Variants in FNTA observed in about 807,000 individuals in gnomAD.
FNTA encodes protein farnesyltransferase/geranylgeranyltransferase type-1 subunit alpha.
In FNTA, 27 loss-of-function variants were observed where a neutral mutation model predicts 55.2. The ratio of observed to expected loss-of-function variants is 0.49; its 90% CI spans 0.36 to 0.67. The LOEUF is 0.67. Among genes scored for constraint, FNTA ranks in the 30% least tolerant of loss-of-function variants. The pLI, the probability that FNTA is intolerant of heterozygous loss-of-function variation, is 0.00. For missense variants in FNTA, 422 were observed against 464.7 expected, an observed-to-expected ratio of 0.91 and a Z score of 0.85; for synonymous variants, 176 against 170.7, an observed-to-expected ratio of 1.03 and a Z score of -0.24.
chr8:43,085,010 G>A, intron 8 of FNTA, 129 bp downstream of exon 8: 1 of 1,146,648 alleles, frequency 8.7e-7, no homozygotes, highest in Non-Finnish European at 1.3e-6. Flanking sequence ...CTGGTTAGGG[G>A]CAGCATTGAC....
At chr8:43,061,350 G>C (rs988850095) in intron 2 of FNTA, among the ~76,000 whole-genome samples, 1 of 152,206 alleles carries the variant, frequency 6.6e-6, no homozygotes. Flanking sequence ...TTTACTGACT[G>C]TGTAATCTTG....
intron 1 of FNTA, 154 bp downstream of exon 1, chr8:43,056,700 G>T (rs931779381): frequency 9.2e-6 from 3 of 326,974 alleles, no homozygotes; most frequent in Non-Finnish European, 9.9e-6. Flanking sequence ...GGCGGCTGCC[G>T]GGACGTCGCC....
intron 2 of FNTA, among the ~76,000 whole-genome samples, chr8:43,060,092 T>A (rs1810496479): frequency 6.6e-6 from 1 of 152,136 alleles, no homozygotes. Flanking sequence ...ATTCTTAGGA[T>A]GGAGAACGTA....
rs1160262542 is a variant in FNTA at position 43,064,160 on chromosome 8, G to A, written c.346G>A (p.Ala116Thr). The change falls in exon 3 of 9, where the codon GCT becomes ACT. Residue 116 changes from alanine (A) to threonine (T), a missense_variant. Ala to Thr is a moderately conservative substitution (Grantham distance 58). Coordinates refer to ENST00000302279, the MANE Select transcript of FNTA (RefSeq NM_002027.3). ...VLQRDERSER[A>T]FKLTRDAIEL... ...GCAGCGTGATGAAAGAAGTGAACGA[G>A]CTTTTAAGCTAACCCGGGATGCTAT... The A allele has an allele frequency of 1.9e-6, 3 of 1,614,138 alleles. No homozygotes were observed. The highest frequency in any genetic ancestry group is 1.7e-5 in the Admixed American group (1 of 60,020).
chr8:43,063,407 A>G (rs1810582136), intron 2 of FNTA: 16 of 420,902 alleles, frequency 3.8e-5, no homozygotes, highest in South Asian at 2.5e-4. Flanking sequence ...ATATGGGAGT[A>G]TATTTGTGAG....
chr8:43,072,707 G>A (rs913648985), intron 5 of FNTA, among the ~76,000 whole-genome samples: 1 of 152,108 alleles, frequency 6.6e-6, no homozygotes, highest in Non-Finnish European at 1.5e-5. Context: ...ACCCTGGGCA[G>A]CAGAGTGAGA....
chr8:43,056,788 A>C (rs1208604850), intron 1 of FNTA: 4 of 173,472 alleles, frequency 2.3e-5, no homozygotes, highest in Non-Finnish European at 4.8e-5. Flanking sequence ...GCTTTAAGCC[A>C]CGCGGAAACT....
chr8:43,066,096 G>A (rs953620256), intron 3 of FNTA, among the ~76,000 whole-genome samples: 2 of 150,650 alleles, frequency 1.3e-5, no homozygotes, highest in African/African-American at 4.9e-5. Context: ...ATGCCTTTTA[G>A]TTCTATGTTG....
chr8:43,084,582 A>G (rs1326765561), intron 7 of FNTA, 128 bp from the exon 8 acceptor site: 2 of 673,356 alleles, frequency 3.0e-6, no homozygotes, highest in Non-Finnish European at 5.0e-6. Context: ...TTATAGTTTC[A>G]GCGTCATTCA....
intron 6 of FNTA, chr8:43,080,984 C>T (rs1479264392): frequency 2.0e-5 from 3 of 152,112 alleles, no homozygotes; most frequent in Non-Finnish European, 4.4e-5. Flanking sequence ...ATTTATTTTC[C>T]TTTTAAGATG....
chr8:43,065,095 A>G (rs1490768344), intron 3 of FNTA, among the ~76,000 whole-genome samples: 7 of 151,762 alleles, frequency 4.6e-5, no homozygotes, highest in African/African-American at 7.3e-5. Context: ...CAGCCTTCCA[A>G]AGTGCTGGGA....
chr8:43,058,146 TATCTC>T (rs1810453422), intron 1 of FNTA, among the ~76,000 whole-genome samples: 1 of 152,122 alleles, frequency 6.6e-6, no homozygotes, highest in Non-Finnish European at 1.5e-5. Flanking sequence ...TTTAAGTGCT[TATCTC>T]ATTTAATCCT....
intron 1 of FNTA, among the ~76,000 whole-genome samples, chr8:43,057,754 TC>T (rs964199615): frequency 1.6e-4 from 24 of 152,222 alleles, no homozygotes; most frequent in African/African-American, 5.8e-4. Flanking sequence ...GGTCAGGAGT[TC>T]CAGACTAACC....
At chr8:43,074,524 CAAAAG>C (rs1253543939) in intron 5 of FNTA, among the ~76,000 whole-genome samples, 4 of 144,532 alleles carry the variant, frequency 2.8e-5, no homozygotes, top group Non-Finnish European at 6.1e-5. Flanking sequence ...GACCCTGTCT[CAAAAG>C]AAAAAAAATT....
At chr8:43,067,791 C>T (rs1284380673) in intron 3 of FNTA, among the ~76,000 whole-genome samples, 3 of 152,094 alleles carry the variant, frequency 2.0e-5, no homozygotes, top group Non-Finnish European at 4.4e-5. Flanking sequence ...GTGATCTTGG[C>T]TCACTGCAAC....
chr8:43,064,262 C>G, intron 3 of FNTA, 47 bp downstream of exon 3: 2 of 1,186,430 alleles, frequency 1.7e-6, no homozygotes, highest in Admixed American at 2.0e-5. Context: ...TGTTTTACTT[C>G]AAGTGGCTTT....
chr8:43,056,812 C>T (rs945777825), intron 1 of FNTA: 3 of 166,400 alleles, frequency 1.8e-5, no homozygotes, highest in African/African-American at 7.2e-5. Context: ...GCACCCTTGA[C>T]TGCACTCGTT....
intron 1 of FNTA, 90 bp from the exon 2 acceptor site, chr8:43,059,002 T>A: frequency 2.2e-6 from 2 of 923,470 alleles, no homozygotes; most frequent in Non-Finnish European, 3.4e-6. Context: ...AATATCAATG[T>A]AACTGTAATT....
chr8:43,059,120 C>A lies in FNTA; in HGVS notation c.229C>A (p.Pro77Thr). The A allele has an allele frequency of 6.2e-7, 1 of 1,612,962 alleles. No homozygotes were observed. The highest frequency in any genetic ancestry group is 1.3e-5 in the African/African-American group (1 of 74,968). Residue 77 changes from proline to threonine, a missense_variant, in exon 2 of 9, where the codon CCG becomes ACG. This residue lies in a region of FNTA where 160 missense variants were observed against 121.6 expected (regional missense o/e 1.32). Transcript: ENST00000302279. ...RDRAEWADID[P>T]VPQNDGPNPV... ...CAGAGCAGAATGGGCTGATATAGATCCGGTGCCGCAGAATGATGGCCCCAA... is the reference window on the plus strand; with the variant it reads ...CAGAGCAGAATGGGCTGATATAGATACGGTGCCGCAGAATGATGGCCCCAA...
Sources: gnomAD v4.1 joint callset for allele counts (sites outside exome capture counted in the v4.1 genomes callset) on GRCh38, gnomAD v4.1.1 for gene constraint, gnomAD v4.1.1 regional missense constraint, MANE v1.5 for transcripts, NCBI Gene and HGNC (gene_info 2026-07-23, HGNC 2026-07-21) for gene names.